RBL1: variants seen among roughly 807,000 people sequenced by gnomAD.
RBL1 encodes RB transcriptional corepressor like 1, also known as retinoblastoma-like protein 1.
A neutral mutation model predicts 123.0 loss-of-function variants in RBL1; 82 were observed. The ratio of observed to expected loss-of-function variants is 0.67; its 90% confidence interval spans 0.56 to 0.80. The LOEUF is 0.80. Among genes scored for constraint, RBL1 ranks in the 30% least tolerant of loss-of-function variants. RBL1 has a pLI of 0.00. For synonymous variants in RBL1, 405 were observed against 441.3 expected (o/e 0.92, Z 1.03); for missense variants, 1,171 against 1,299.6 (o/e 0.90, Z 1.52).
In RBL1 at chr20:37,056,261, A is replaced by G; in HGVS notation, c.1251-3T>C. On this transcript the variant is annotated splice_polypyrimidine_tract_variant and splice_region_variant and intron_variant, in intron 9 of 21. Transcript: ENST00000373664. Reference sequence around the variant, plus strand: ...CCACAGGATTACGCACACAAGATCTACAAAATACAAGAGGAACCAATTACC... The same window carrying G: ...CCACAGGATTACGCACACAAGATCTGCAAAATACAAGAGGAACCAATTACC... The G allele has an allele frequency of 6.3e-7, 1 of 1,598,078 alleles. No homozygotes were observed. Among genetic ancestry groups the G allele is most frequent in the Non-Finnish European group, 8.5e-7 (1 of 1,176,308 alleles).
rs372719949 is a variant in RBL1, at chr20:37,020,748, C to T, written c.2560-18G>A. The T allele has an allele frequency of 4.0e-5, 60 of 1,508,614 alleles. No individual in the cohort carries two copies. In the East Asian group the frequency reaches 6.4e-4, roughly 16 times the overall value. 93.5% of individuals were successfully genotyped at this position (1,508,614 alleles called of 1,614,324 possible). On this transcript the variant is annotated intron_variant, in intron 17 of 21. Coordinates refer to ENST00000373664, the MANE Select transcript of RBL1 (RefSeq NM_002895.5). Reference sequence around the variant, plus strand: ...TTTGTTACCTAAGGAAAATAAAAACCGCATTTATCAACTGCTTTTTGAAAG... The same window carrying T: ...TTTGTTACCTAAGGAAAATAAAAACTGCATTTATCAACTGCTTTTTGAAAG...
intron 9 of RBL1, 58 bp from the exon 10 acceptor site, chr20:37,056,316 G>A: frequency 9.1e-7 from 1 of 1,104,262 alleles, no homozygotes; most frequent in Non-Finnish European, 1.2e-6. Flanking sequence ...AAACAAAAAA[G>A]ACTCCACACC....
Position 37,035,414 on chromosome 20 carries a change from T to TG in RBL1, c.1997dup (p.Glu668GlyfsTer25), listed in dbSNP as rs1262772551. On this transcript the variant is annotated frameshift_variant, in exon 15 of 22. Coordinates refer to ENST00000373664, the MANE Select transcript of RBL1 (RefSeq NM_002895.5). LOFTEE classifies it high-confidence loss of function. ...TGATCTTGTCCATAAGCATTTCCTT[T>TG]GGGGGGTCCTCTCCAAAGAGTCTTC... 7 of 1,613,994 alleles carry TG rather than the reference T, an allele frequency of 4.3e-6. No individual in the cohort carries two copies. Among genetic ancestry groups the TG allele is most frequent in the African/African-American group, 1.3e-5 (1 of 74,916 alleles).
intron 19 of RBL1, among the ~76,000 whole-genome samples, chr20:37,015,657 C>T (rs2064238377): frequency 6.6e-6 from 1 of 152,086 alleles, no homozygotes; most frequent in Non-Finnish European, 1.5e-5. Context: ...GTCTGGATCT[C>T]CTGACCTCAT....
Position 37,040,302 on chromosome 20 carries a change from C to T in RBL1, c.1771-17G>A. 1.2e-6 allele frequency: 2 copies of T among 1,607,450 alleles called. No homozygotes were observed. The highest frequency in any genetic ancestry group is 1.7e-6 in the Non-Finnish European group (2 of 1,178,212). ...GAATATAACCTGTAGAAAACAAAAA[C>T]CCTTTGATTTACATATAGATAAACT... On this transcript the variant is annotated splice_polypyrimidine_tract_variant and intron_variant, in intron 13 of 21. Transcript: ENST00000373664.
At chr20:37,072,053 T>A (rs1230820405) in intron 2 of RBL1, among the ~76,000 whole-genome samples, 2 of 152,228 alleles carry the variant, frequency 1.3e-5, no homozygotes, top group Non-Finnish European at 2.9e-5. Flanking sequence ...CATGCTGATA[T>A]AATCTGAGAC....
At chr20:37,041,563 T>G (rs2064727777) in intron 13 of RBL1, among the ~76,000 whole-genome samples, 1 of 152,128 alleles carries the variant, frequency 6.6e-6, no homozygotes, top group South Asian at 2.1e-4. Flanking sequence ...CCTCAGGCAA[T>G]CCACTTGCCT....
intron 2 of RBL1, chr20:37,081,952 T>C (rs771943353): frequency 6.6e-6 from 3 of 455,756 alleles, no homozygotes; most frequent in South Asian, 4.7e-5. Flanking sequence ...ATAATATCAG[T>C]AAATGGAGGC....
chr20:37,095,754 C>A lies in RBL1; in HGVS notation c.156+19G>T. On this transcript the variant is annotated intron_variant, in intron 1 of 21. Coordinates refer to ENST00000373664, the MANE Select transcript of RBL1 (RefSeq NM_002895.5). ...CCTGGCGAGGGTAGGGTCCGGCCGC[C>A]CCACCTGCTGCCGCTCACCTCTAGG... is the stretch of plus-strand genomic sequence containing the variant. The A allele has an allele frequency of 6.4e-7, 1 of 1,570,468 alleles. No individual in the cohort carries two copies.
At chr20:37,049,058 C>T (rs1295857356) in intron 11 of RBL1, among the ~76,000 whole-genome samples, 2 of 151,856 alleles carry the variant, frequency 1.3e-5, no homozygotes, top group African/African-American at 4.8e-5. Context: ...CAAAAATTAG[C>T]TGGGCGTGGT....
At chr20:37,067,766 C>CAAAAAAAAAAAAAAAAAAAAAAAAAA (rs1168742059) in intron 3 of RBL1, among the ~76,000 whole-genome samples, 1 of 62,686 alleles carries the variant, frequency 1.6e-5, no homozygotes. Flanking sequence ...TGAGACTCCT[C>CAAAAAAAAAAAAAAAAAAAAAAAAAA]AAAAAAAAAA....
In RBL1 at chr20:37,089,026, C is replaced by A. The variant is rs1315082664; in HGVS notation, c.253G>T (p.Val85Phe). 6.2e-7 allele frequency: 1 copy of A among 1,611,210 alleles called. No homozygotes were observed. The highest frequency in any genetic ancestry group is 1.7e-5 in the Admixed American group (1 of 59,650). ...VGKGIMEGNC[V>F]SLTRILRSAK... is the part of the protein sequence containing the mutation. ...GAACGTAGTATTCTGGTAAGTGAAA[C>A]ACAGTTGCCTTCCATGATACCCTTT... Residue 85 changes from valine to phenylalanine, a missense_variant, in exon 2 of 22, where the codon GTT becomes TTT. Coordinates refer to ENST00000373664, the MANE Select transcript of RBL1 (RefSeq NM_002895.5).
intron 9 of RBL1, 105 bp downstream of exon 9, chr20:37,060,998 G>T: frequency 1.6e-6 from 2 of 1,240,110 alleles, no homozygotes; most frequent in Non-Finnish European, 2.2e-6. Context: ...AAACTTGCCA[G>T]ATGAACATCC....
intron 2 of RBL1, among the ~76,000 whole-genome samples, chr20:37,083,407 G>C (rs1290789823): frequency 6.6e-6 from 1 of 151,864 alleles, no homozygotes; most frequent in African/African-American, 2.4e-5. Flanking sequence ...GGCGGAGGTT[G>C]CAAGTGAGCA....
chr20:37,019,080 A>G (rs2064301535), intron 18 of RBL1, among the ~76,000 whole-genome samples: 2 of 151,014 alleles, frequency 1.3e-5, no homozygotes, highest in Non-Finnish European at 2.9e-5. Context: ...GTCTCACTCT[A>G]TGGCTCAGAC....
intron 2 of RBL1, among the ~76,000 whole-genome samples, chr20:37,080,861 GT>G (rs2065438056): frequency 6.6e-6 from 1 of 152,174 alleles, no homozygotes; most frequent in African/African-American, 2.4e-5. Flanking sequence ...TTTTAAGTTG[GT>G]TTTGTTGGAA....
In RBL1 at chr20:37,095,744, G is replaced by C. The variant is rs369663099; in HGVS notation, c.156+29C>G. 2.0e-3 allele frequency: 3,181 copies of C among 1,555,782 alleles called. 8 individuals carry two copies. Among genetic ancestry groups the C allele is most frequent in the South Asian group, 3.2e-3 (271 of 84,458 alleles). On this transcript the variant is annotated intron_variant, in intron 1 of 21. Transcript: ENST00000373664. ...AGGGGTGGGGCCTGGCGAGGGTAGG[G>C]TCCGGCCGCCCCACCTGCTGCCGCT...
intron 8 of RBL1, 36 bp downstream of exon 8, chr20:37,062,048 A>T: frequency 6.4e-7 from 1 of 1,560,038 alleles, no homozygotes. Flanking sequence ...AGAGAAAAAG[A>T]TCATTCAAGA....
At chr20:37,090,318 C>T (rs1029883015) in intron 1 of RBL1, among the ~76,000 whole-genome samples, 3 of 152,192 alleles carry the variant, frequency 2.0e-5, no homozygotes, top group African/African-American at 7.2e-5. Context: ...CCTAATGTTG[C>T]ATTTCTTAGA....
Sources: gnomAD v4.1 joint callset for allele counts (sites outside exome capture counted in the v4.1 genomes callset) on GRCh38, gnomAD v4.1.1 for gene constraint, MANE v1.5 for transcripts, NCBI Gene and HGNC (gene_info 2026-07-23, HGNC 2026-07-21) for gene names.